PHACTR1: variants seen among roughly 807,000 people sequenced by gnomAD.
PHACTR1 encodes phosphatase and actin regulator 1, also known as RPEL repeat containing 1.
A neutral mutation model predicts 69.2 loss-of-function variants in PHACTR1; 16 were observed. The observed-to-expected ratio is 0.23, with a 90% CI of 0.16 to 0.35. The LOEUF is 0.35. PHACTR1 is among the 10% of genes least tolerant of loss of function. The probability of loss-of-function intolerance (pLI) is 1.00; values close to 1 mark genes in which losing one functional copy is unlikely to be tolerated. For synonymous variants in PHACTR1, 312 were observed against 284.5 expected (o/e 1.10, Z -0.97); for missense variants, 510 against 734.7 (o/e 0.69, Z 3.54).
intron 4 of PHACTR1, chr6:12,957,214 A>G: frequency 3.2e-6 from 1 of 310,256 alleles, no homozygotes; most frequent in Non-Finnish European, 4.7e-6. Context: ...AATTCCCTGC[A>G]GAAGGAGACA....
chr6:13,142,128 A>G (rs1159950284), intron 5 of PHACTR1, among the ~76,000 whole-genome samples: 1 of 152,194 alleles, frequency 6.6e-6, no homozygotes, highest in Admixed American at 6.5e-5. Context: ...CAATTAAAAT[A>G]AAAGCAGTTG....
At position 13,204,711 on chromosome 6, in the gene PHACTR1, A is replaced by G. The variant is rs184853445; in HGVS notation, c.665-1104A>G. ...CACACTTGAGTGGGCCCACCAGTCC[A>G]GCAGTCACTCTCACTCCTGCCCCAC... On this transcript the variant is annotated intron_variant, in intron 7 of 14. Transcript: ENST00000332995. Among the ~76,000 whole-genome samples the G allele has an allele frequency of 2.1e-3, 327 of 152,338 alleles. 1 individual carries two copies. The highest frequency in any genetic ancestry group is 3.9e-3 in the Non-Finnish European group (263 of 68,022).
At chr6:12,942,903 C>G (rs1168680365) in intron 4 of PHACTR1, among the ~76,000 whole-genome samples, 1 of 152,182 alleles carries the variant, frequency 6.6e-6, no homozygotes, top group African/African-American at 2.4e-5. Flanking sequence ...TCTGCCCTAC[C>G]AACCACATTC....
At chr6:13,184,990 G>A in intron 7 of PHACTR1, 1 of 1,366,130 alleles carries the variant, frequency 7.3e-7, no homozygotes, top group Non-Finnish European at 9.8e-7. Flanking sequence ...TACCAGGATT[G>A]CCAACCACTT....
At chr6:12,893,818 A>T (rs1784383662) in intron 4 of PHACTR1, among the ~76,000 whole-genome samples, 1 of 152,228 alleles carries the variant, frequency 6.6e-6, no homozygotes, top group African/African-American at 2.4e-5. Flanking sequence ...TTGCTAAGTC[A>T]AGTGTCACAT....
chr6:12,809,045 G>GT (rs1180743731), intron 4 of PHACTR1, among the ~76,000 whole-genome samples: 4 of 151,746 alleles, frequency 2.6e-5, no homozygotes, highest in South Asian at 2.1e-4. Flanking sequence ...TCCCAGCTAA[G>GT]TTTTTTTTGG....
chr6:12,776,920 C>G (rs1374650626), intron 4 of PHACTR1, among the ~76,000 whole-genome samples: 1 of 152,110 alleles, frequency 6.6e-6, no homozygotes, highest in African/African-American at 2.4e-5. Flanking sequence ...AAAATACCAC[C>G]TTTAATACAA....
chr6:12,932,614 A>G (rs1211770547), intron 4 of PHACTR1, among the ~76,000 whole-genome samples: 1 of 152,226 alleles, frequency 6.6e-6, no homozygotes, highest in Non-Finnish European at 1.5e-5. Context: ...ATTCATAAAG[A>G]CACATTAAAT....
chr6:13,174,350 T>C (rs6921265), intron 6 of PHACTR1, among the ~76,000 whole-genome samples: 6,274 of 152,350 alleles, frequency 0.041, 282 homozygotes, highest in African/African-American at 0.11. Flanking sequence ...TTTATTTTGC[T>C]AACTATAGCC....
At chr6:12,919,017 G>A (rs767754696) in intron 4 of PHACTR1, among the ~76,000 whole-genome samples, 1 of 152,066 alleles carries the variant, frequency 6.6e-6, no homozygotes, top group Non-Finnish European at 1.5e-5. Context: ...AGATGGAGAC[G>A]GAGTTTTGCC....
intron 4 of PHACTR1, among the ~76,000 whole-genome samples, chr6:13,002,196 C>A (rs768519938): frequency 9.9e-5 from 15 of 152,150 alleles, no homozygotes; most frequent in Non-Finnish European, 1.9e-4. Context: ...TTTCAGCAAA[C>A]AACACTCTGT....
intron 5 of PHACTR1, among the ~76,000 whole-genome samples, chr6:13,055,428 A>G (rs1473359924): frequency 6.6e-6 from 1 of 152,214 alleles, no homozygotes; most frequent in African/African-American, 2.4e-5. Flanking sequence ...TGTCTCAGAG[A>G]GAAGAAATCT....
At chr6:12,789,159 C>T (rs1474367507) in intron 4 of PHACTR1, among the ~76,000 whole-genome samples, 1 of 152,180 alleles carries the variant, frequency 6.6e-6, no homozygotes, top group Non-Finnish European at 1.5e-5. Flanking sequence ...ACTGATTTTG[C>T]TGAGATCACT....
intron 3 of PHACTR1, among the ~76,000 whole-genome samples, chr6:12,722,703 G>T (rs986813566): frequency 6.6e-6 from 1 of 152,180 alleles, no homozygotes; most frequent in African/African-American, 2.4e-5. Flanking sequence ...GGACCTCAAG[G>T]TGGGGGAGAT....
At chr6:12,997,810 G>A (rs1244673065) in intron 4 of PHACTR1, among the ~76,000 whole-genome samples, 3 of 151,922 alleles carry the variant, frequency 2.0e-5, no homozygotes, top group Admixed American at 2.0e-4. Flanking sequence ...AAAATTAGCC[G>A]GGCACGGTGG....
At chr6:12,901,060 G>A (rs1785135630) in intron 4 of PHACTR1, among the ~76,000 whole-genome samples, 1 of 152,250 alleles carries the variant, frequency 6.6e-6, no homozygotes, top group African/African-American at 2.4e-5. Flanking sequence ...AGAGGGTAAG[G>A]GGATCAGGAG....
chr6:13,244,466 G>A (rs1036132530), intron 10 of PHACTR1, among the ~76,000 whole-genome samples: 2 of 152,142 alleles, frequency 1.3e-5, no homozygotes, highest in Non-Finnish European at 1.5e-5. Flanking sequence ...GCCTGGGAGC[G>A]CTATGGGAGA....
intron 4 of PHACTR1, among the ~76,000 whole-genome samples, chr6:12,895,364 G>A (rs1221414007): frequency 6.6e-6 from 1 of 151,792 alleles, no homozygotes; most frequent in Non-Finnish European, 1.5e-5. Flanking sequence ...TGTATTTTTA[G>A]TAGAGATGGG....
chr6:12,859,941 T>C (rs1780774100), intron 4 of PHACTR1, among the ~76,000 whole-genome samples: 2 of 152,124 alleles, frequency 1.3e-5, no homozygotes, highest in Admixed American at 1.3e-4. Context: ...AAGGTACCAT[T>C]GCGCTTCCTG....
Sources: gnomAD v4.1 joint callset for allele counts (sites outside exome capture counted in the v4.1 genomes callset) on GRCh38, gnomAD v4.1.1 for gene constraint, MANE v1.5 for transcripts, NCBI Gene and HGNC (gene_info 2026-07-23, HGNC 2026-07-21) for gene names.